ATIC: variants seen among roughly 807,000 people sequenced by gnomAD.
ATIC encodes 5-aminoimidazole-4-carboxamide ribonucleotide formyltransferase/IMP cyclohydrolase.
A neutral mutation model predicts 72.5 loss-of-function variants in ATIC; 64 were observed. That is an observed-to-expected ratio of 0.88 (90% CI 0.72 to 1.09). ATIC has a LOEUF of 1.09. ATIC is among the 50% of genes least tolerant of loss of function. ATIC has a pLI of 0.00. For synonymous variants in ATIC, 281 were observed against 267.1 expected, an observed-to-expected ratio of 1.05 and a Z score of -0.51; for missense variants, 787 against 732.4, an observed-to-expected ratio of 1.07 and a Z score of -0.86.
Position 215,326,967 on chromosome 2 carries a change from T to A in ATIC, c.677T>A (p.Leu226His). Reference protein sequence around the residue: ...PAQLYTLQPKLPITVLNGAPG... With the variant: ...PAQLYTLQPKHPITVLNGAPG... The stretch of plus-strand genomic sequence containing the variant: ...CAGCTGTACACACTGCAGCCCAAGC[T>A]TCCCATCACAGGTAAAGCCCGAGCG... The change falls in exon 7 of 16, where the codon CTT becomes CAT. Residue 226 changes from leucine (L) to histidine (H), a missense_variant. Coordinates refer to ENST00000236959, the MANE Select transcript of ATIC (RefSeq NM_004044.7). 6.2e-7 allele frequency: 1 copy of A among 1,614,172 alleles called. No homozygotes were observed. The highest frequency in any genetic ancestry group is 8.5e-7 in the Non-Finnish European group (1 of 1,180,032).
intron 4 of ATIC, among the ~76,000 whole-genome samples, chr2:215,320,107 G>A (rs2052751787): frequency 3.3e-5 from 5 of 152,070 alleles, no homozygotes; most frequent in South Asian, 4.1e-4. Flanking sequence ...TCATGTTGAC[G>A]CTCAAAAAGT....
intron 7 of ATIC, among the ~76,000 whole-genome samples, chr2:215,330,436 G>A (rs1239793129): frequency 2.0e-5 from 3 of 152,124 alleles, no homozygotes; most frequent in South Asian, 2.1e-4. Flanking sequence ...CCGCTTCCCC[G>A]CAGTTTCTCC....
chr2:215,315,089 G>A (rs1456257795), intron 2 of ATIC, among the ~76,000 whole-genome samples: 1 of 152,170 alleles, frequency 6.6e-6, no homozygotes, highest in Non-Finnish European at 1.5e-5. Flanking sequence ...AAGCCTGTCT[G>A]TCCAGATTCT....
chr2:215,312,309 C>A, intron 1 of ATIC, 148 bp downstream of exon 1: 1 of 1,444,344 alleles, frequency 6.9e-7, no homozygotes, highest in Non-Finnish European at 9.3e-7. Context: ...CGGGCCGCAG[C>A]CTGCGTGGGG....
At chr2:215,326,184 A>C (rs779594325) in intron 6 of ATIC, 46 bp downstream of exon 6, 141 of 1,610,858 alleles carry the variant, frequency 8.8e-5, no homozygotes, top group Non-Finnish European at 1.2e-4. Flanking sequence ...CATGGAGTGC[A>C]GTGTTTGCCA....
chr2:215,313,247 A>G (rs747456277), intron 2 of ATIC, among the ~76,000 whole-genome samples: 2 of 152,210 alleles, frequency 1.3e-5, no homozygotes, highest in Non-Finnish European at 2.9e-5. Context: ...CTTGTTATGC[A>G]AGGAAAACTT....
At chr2:215,367,584 T>C in the ATIC span, 2 of 443,800 alleles carry the variant, frequency 4.5e-6, no homozygotes, top group Admixed American at 6.9e-5. Flanking sequence ...TCCATTTGTT[T>C]TCACAGAAAA....
chr2:215,313,725 T>C (rs1480252087), intron 2 of ATIC, among the ~76,000 whole-genome samples: 3 of 152,196 alleles, frequency 2.0e-5, no homozygotes, highest in Non-Finnish European at 4.4e-5. Flanking sequence ...AGTACACAGC[T>C]TCCCTAAGTT....
chr2:215,325,965 A>G (rs764681640), intron 5 of ATIC, 22 bp from the exon 6 acceptor site: 2 of 1,613,674 alleles, frequency 1.2e-6, no homozygotes, highest in African/African-American at 1.3e-5. Context: ...ACAAAAATCA[A>G]TAAGTCTTTT....
chr2:215,320,709 A>C (rs2052757401), intron 4 of ATIC, among the ~76,000 whole-genome samples: 2 of 152,252 alleles, frequency 1.3e-5, no homozygotes, highest in Non-Finnish European at 2.9e-5. Context: ...CCTCCTGAGT[A>C]GCTGAGATTA....
At chr2:215,312,764 T>TG (rs902440510) in intron 2 of ATIC, 140 bp downstream of exon 2, 1 of 1,362,986 alleles carries the variant, frequency 7.3e-7, no homozygotes, top group Non-Finnish European at 1.0e-6. Flanking sequence ...CCCCACTTTA[T>TG]GGGGAAAAAA....
chr2:215,326,695 C>T (rs1462640983), intron 6 of ATIC, 127 bp from the exon 7 acceptor site: 17 of 1,110,534 alleles, frequency 1.5e-5, no homozygotes, highest in East Asian at 2.4e-5. Context: ...ATGGTGTCAT[C>T]GTGTTGTGCA....
intron 1 of ATIC, 121 bp downstream of exon 1, chr2:215,312,282 C>T (rs1335125522): frequency 1.4e-6 from 2 of 1,438,594 alleles, no homozygotes; most frequent in Non-Finnish European, 1.8e-6. Context: ...TGAAAGCCAG[C>T]GTCCCCGCTC....
chr2:215,330,882 T>G (rs2052885215), intron 7 of ATIC, among the ~76,000 whole-genome samples: 1 of 152,118 alleles, frequency 6.6e-6, no homozygotes, highest in South Asian at 2.1e-4. Flanking sequence ...GAATGTCAGA[T>G]AGTTGGGATC....
At chr2:215,355,462 AG>A in the ATIC span, among the ~76,000 whole-genome samples, 1 of 152,152 alleles carries the variant, frequency 6.6e-6, no homozygotes, top group African/African-American at 2.4e-5. Flanking sequence ...AGTCCATGAA[AG>A]GGATCCTCCA....
At chr2:215,347,259 G>A (rs897844089) in intron 14 of ATIC, 3 of 397,540 alleles carry the variant, frequency 7.5e-6, no homozygotes, top group African/African-American at 4.1e-5. Context: ...TTTCACCTAC[G>A]TCGAGGTGCC....
At chr2:215,349,339 G>A in intron 15 of ATIC, 90 bp downstream of exon 15, 1 of 1,593,612 alleles carries the variant, frequency 6.3e-7, no homozygotes, top group Non-Finnish European at 8.6e-7. Flanking sequence ...AAAAGGTGTG[G>A]CAAAGTGATA....
At chr2:215,365,940 G>T in the ATIC span, among the ~76,000 whole-genome samples, 1 of 149,394 alleles carries the variant, frequency 6.7e-6, no homozygotes, top group Admixed American at 6.7e-5. Flanking sequence ...TGAGTAGCTG[G>T]GATTACAGGC....
intron 13 of ATIC, 158 bp downstream of exon 13, chr2:215,345,029 G>A: frequency 2.6e-6 from 2 of 762,428 alleles, no homozygotes; most frequent in East Asian, 2.7e-5. Context: ...CTGGTGGGCT[G>A]TTAAAACTAA....
Sources: allele counts gnomAD v4.1 joint callset (sites outside exome capture counted in the v4.1 genomes callset), GRCh38; gene constraint gnomAD v4.1.1; transcripts MANE v1.5; gene names NCBI Gene and HGNC (gene_info 2026-07-23, HGNC 2026-07-21).